Variants in TMCC2 observed in about 807,000 individuals in gnomAD.
TMCC2 encodes the protein transmembrane and coiled-coil domains protein 2.
In TMCC2, 16 loss-of-function variants were observed where a neutral mutation model predicts 49.4. The observed-to-expected ratio is 0.32, with a 90% CI of 0.22 to 0.49. The LOEUF is 0.49. TMCC2 is among the 20% of genes least tolerant of loss of function. The pLI is 0.99. For missense variants in TMCC2, 762 were observed against 989.8 expected (o/e 0.77, Z 3.09); for synonymous variants, 397 against 434.1 (o/e 0.91, Z 1.06).
At chr1:205,255,759 C>T (rs1283641707) in intron 2 of TMCC2, among the ~76,000 whole-genome samples, 1 of 152,080 alleles carries the variant, frequency 6.6e-6, no homozygotes, top group Non-Finnish European at 1.5e-5. Flanking sequence ...AAGATCTGAT[C>T]CCTGCCTTAT....
intron 2 of TMCC2, among the ~76,000 whole-genome samples, chr1:205,261,507 T>C (rs1661113954): frequency 6.6e-6 from 1 of 152,056 alleles, no homozygotes; most frequent in Admixed American, 6.6e-5. Context: ...GCAGCCCACT[T>C]ATTTCCTTTC....
chr1:205,229,562 T>TGGGGGGGGGGGGGG (rs1659707258), intron 1 of TMCC2: 1 of 453,360 alleles, frequency 2.2e-6, no homozygotes, highest in Non-Finnish European at 2.4e-6. Context: ...GGGGGGGTGG[T>TGGGGGGGGGGGGGG]GGCGGGGGCG....
intron 2 of TMCC2, 134 bp from the exon 3 acceptor site, chr1:205,268,816 C>T (rs2102612791): frequency 1.2e-6 from 1 of 818,958 alleles, no homozygotes; most frequent in Non-Finnish European, 1.9e-6. Context: ...AGGGATACTG[C>T]TCTTGTGGTG....
Position 205,228,514 on chromosome 1 carries a change from C to A in TMCC2, c.-51C>A. The A allele has an allele frequency of 6.5e-7, 1 of 1,543,006 alleles. No homozygotes were observed. The highest frequency in any genetic ancestry group is 8.8e-7 in the Non-Finnish European group (1 of 1,134,878). ...AATATAAGAGGGGGTGCGGTCTTCCCCAAGACGGCGCGCTGGAAGGACAGA... is the reference window on the plus strand; with the variant it reads ...AATATAAGAGGGGGTGCGGTCTTCCACAAGACGGCGCGCTGGAAGGACAGA... On this transcript the variant is annotated 5_prime_UTR_variant, in exon 1 of 5. Coordinates refer to ENST00000358024, the MANE Select transcript of TMCC2 (RefSeq NM_014858.4).
intron 2 of TMCC2, among the ~76,000 whole-genome samples, chr1:205,258,172 C>G (rs1055001241): frequency 6.6e-6 from 1 of 152,044 alleles, no homozygotes; most frequent in African/African-American, 2.4e-5. Flanking sequence ...GCAGCTGGCT[C>G]TGCACTGCCT....
At chr1:205,260,001 G>GT in intron 2 of TMCC2, among the ~76,000 whole-genome samples, 1 of 152,194 alleles carries the variant, frequency 6.6e-6, no homozygotes, top group Admixed American at 6.5e-5. Flanking sequence ...CTCAGCCTTT[G>GT]TGTAGAGCAA....
Position 205,272,065 on chromosome 1 carries a change from C to G in TMCC2, c.2071C>G (p.Leu691Val). 6.2e-7 allele frequency: 1 copy of G among 1,614,192 alleles called. No individual in the cohort carries two copies. The highest frequency in any genetic ancestry group is 2.2e-5 in the East Asian group (1 of 44,890). The change falls in exon 5 of 5, where the codon CTC (leucine) becomes GTC (valine). Residue 691 changes from leucine to valine, a missense_variant. By Grantham distance (32) the Leu-to-Val change is conservative (BLOSUM62 1). This residue lies in a region of TMCC2 where 440 missense variants were observed against 636.7 expected (regional missense o/e 0.69). Transcript: ENST00000358024. ...TTLLVLVLFLLWKHWDSLTYL... is the reference protein window; with the variant it reads ...TTLLVLVLFLVWKHWDSLTYL... ...CCTCCTGGTCCTCGTCCTGTTCCTC[C>G]TCTGGAAGCACTGGGACTCCCTCAC...
chr1:205,239,672 C>T (rs562791763), intron 1 of TMCC2, among the ~76,000 whole-genome samples: 7 of 152,158 alleles, frequency 4.6e-5, no homozygotes, highest in Non-Finnish European at 8.8e-5. Flanking sequence ...ACCGTTAGTT[C>T]GTGATGAGTT....
In TMCC2 at chr1:205,242,126, C is replaced by T. The variant is rs910847686; in HGVS notation, c.747+82C>T. ...GGGCCTTGAGACCTGGGGAGCTGAG[C>T]CAGGGGCCCTCCCTGGCAGATACTG... On this transcript the variant is annotated intron_variant, in intron 2 of 4. Transcript: ENST00000358024. The T allele has an allele frequency of 9.1e-6, 13 of 1,433,716 alleles. No individual in the cohort carries two copies. In the African/African-American group the frequency reaches 1.6e-4, roughly 17 times the overall value. The allele number at this position is 1,433,716 out of a possible 1,614,324, so 88.8% of individuals were successfully genotyped here. A position where few individuals can be genotyped will look rare whatever the true frequency, so the allele number is the denominator to read the frequency against.
At chr1:205,236,206 T>C (rs1660041710) in intron 1 of TMCC2, among the ~76,000 whole-genome samples, 1 of 151,670 alleles carries the variant, frequency 6.6e-6, no homozygotes, top group South Asian at 2.1e-4. Flanking sequence ...TCCCAAGCCC[T>C]CCCTAAGCCA....
rs532876564 is a variant in TMCC2 at position 205,271,414 on chromosome 1, G to A, written c.1818+159G>A. On this transcript the variant is annotated intron_variant, in intron 4 of 4. Transcript: ENST00000358024. ...ATGAAGAGGGCAGCGTAGCGGGAGC[G>A]GAGTGGAGTGAGCAAGACAGGCCTG... 150 of 1,223,620 alleles carry A rather than the reference G, an allele frequency of 1.2e-4. 1 individual carries two copies. The African/African-American group carries it at 1.3e-3, about 11-fold the overall frequency. The allele number at this position is 1,223,620 out of a possible 1,614,324, so 75.8% of individuals were successfully genotyped here.
At chr1:205,253,567 A>G (rs1660751976) in intron 2 of TMCC2, among the ~76,000 whole-genome samples, 1 of 152,248 alleles carries the variant, frequency 6.6e-6, no homozygotes, top group African/African-American at 2.4e-5. Flanking sequence ...CATCTCTGCC[A>G]GGCCAGAGAG....
rs763719909 is a variant in TMCC2 at position 205,228,585 on chromosome 1, C to A, written c.21C>A (p.Asp7Glu). 1.9e-6 allele frequency: 3 copies of A among 1,610,604 alleles called. No homozygotes were observed. Among genetic ancestry groups the A allele is most frequent in the Non-Finnish European group, 2.5e-6 (3 of 1,177,984 alleles). The change falls in exon 1 of 5, where the codon GAC becomes GAA. Residue 7 changes from aspartate (D) to glutamate (E), a missense_variant. This residue lies in a region of TMCC2 where 322 missense variants were observed against 353.1 expected (regional missense o/e 0.91). Transcript: ENST00000358024. Reference sequence around the variant, plus strand: ...ACACCATGAAGAGGTGCAGATCGGACGAGCTGCAGCAACAACAGGGCGAGG... The same window carrying A: ...ACACCATGAAGAGGTGCAGATCGGAAGAGCTGCAGCAACAACAGGGCGAGG... The part of the protein sequence containing the change: MKRCRS[D>E]ELQQQQGEED...
At position 205,228,665 on chromosome 1, in the gene TMCC2, G is replaced by T; in HGVS notation, c.101G>T (p.Arg34Leu). ...AASHLPGADLRPGETTGANSA... is the reference protein window; with the variant it reads ...AASHLPGADLLPGETTGANSA... ...TCCCACCTGCCGGGCGCGGACCTCC[G>T]GCCTGGGGAGACCACGGGTGCTAAC... Residue 34 changes from arginine (R) to leucine (L), a missense_variant, in exon 1 of 5, where the codon CGG becomes CTG. Coordinates refer to ENST00000358024, the MANE Select transcript of TMCC2 (RefSeq NM_014858.4). 6.2e-7 allele frequency: 1 copy of T among 1,613,100 alleles called. No homozygotes were observed. Among genetic ancestry groups the T allele is most frequent in the South Asian group, 1.1e-5 (1 of 91,060 alleles).
intron 2 of TMCC2, chr1:205,267,994 G>A: frequency 1.0e-6 from 1 of 985,404 alleles, no homozygotes; most frequent in Non-Finnish European, 1.2e-6. Flanking sequence ...CGGATACTAG[G>A]AAGGACTGGG....
At chr1:205,267,325 A>G (rs1574867778) in intron 2 of TMCC2, among the ~76,000 whole-genome samples, 1 of 152,174 alleles carries the variant, frequency 6.6e-6, no homozygotes, top group East Asian at 1.9e-4. Flanking sequence ...AATCAAGCCA[A>G]GTGACTTATG....
chr1:205,269,822 G>A lies in TMCC2; in HGVS notation c.1620G>A (p.Leu540=). The stretch of plus-strand genomic sequence containing the variant: ...ACCTGGAGGACTCCATGGAAGACCT[G>A]AAGACTCAGCTGCAGAGGGACTACA... The part of the protein sequence containing the change: ...QSHLEDSMED[L]KTQLQRDYTY... The change falls in exon 3 of 5, where the codon CTG becomes CTA. Residue 540 remains leucine, a synonymous_variant. Transcript: ENST00000358024. 1 of 1,614,172 alleles carries A rather than the reference G, an allele frequency of 6.2e-7. No homozygotes were observed. Among genetic ancestry groups the A allele is most frequent in the Non-Finnish European group, 8.5e-7 (1 of 1,180,030 alleles).
Position 205,228,521 on chromosome 1 carries a change from G to T in TMCC2, c.-44G>T. 2.6e-6 allele frequency: 4 copies of T among 1,551,776 alleles called. No individual in the cohort carries two copies. The highest frequency in any genetic ancestry group is 3.5e-6 in the Non-Finnish European group (4 of 1,140,770). On this transcript the variant is annotated 5_prime_UTR_variant, in exon 1 of 5. Coordinates refer to ENST00000358024, the MANE Select transcript of TMCC2 (RefSeq NM_014858.4). Reference sequence around the variant, plus strand: ...GAGGGGGTGCGGTCTTCCCCAAGACGGCGCGCTGGAAGGACAGATTCCCCT... The same window carrying T: ...GAGGGGGTGCGGTCTTCCCCAAGACTGCGCGCTGGAAGGACAGATTCCCCT...
At chr1:205,253,479 C>T (rs1660747815) in intron 2 of TMCC2, among the ~76,000 whole-genome samples, 1 of 152,122 alleles carries the variant, frequency 6.6e-6, no homozygotes, top group Admixed American at 6.5e-5. Context: ...AGAGTGAAGC[C>T]AGAGACCCCC....
Sources: allele counts gnomAD v4.1 joint callset (sites outside exome capture counted in the v4.1 genomes callset), GRCh38; gene constraint gnomAD v4.1.1; regional missense constraint gnomAD v4.1.1; transcripts MANE v1.5; gene names NCBI Gene and HGNC (gene_info 2026-07-23, HGNC 2026-07-21).